The following SLC12A3 variants were observed in gnomAD, a reference collection of about 807,000 sequenced individuals.
The protein encoded by SLC12A3 is solute carrier family 12 member 3, also known as Na-Cl cotransporter.
Under a neutral mutation model 121.0 loss-of-function variants are expected in SLC12A3, and 104 were observed. The observed-to-expected ratio is 0.86, with a 90% confidence interval of 0.73 to 1.01. The LOEUF (loss-of-function observed/expected upper bound fraction) is 1.01. Ranked by LOEUF, SLC12A3 falls within the 50% of genes least tolerant of loss-of-function variation. The pLI is 0.00. For missense variants in SLC12A3, 1,328 were observed against 1,356.3 expected (o/e 0.98, Z 0.33); for synonymous variants, 536 against 533.4 (o/e 1.00, Z -0.07).
Position 56,878,126 on chromosome 16 carries a change from C to T in SLC12A3, c.1145C>T (p.Thr382Met), listed in dbSNP as rs187885782. The change falls in exon 9 of 26, where the codon ACG becomes ATG. Residue 382 changes from threonine (T) to methionine (M), a missense_variant. By Grantham distance (81) the Thr-to-Met change is moderately conservative (BLOSUM62 -1). Transcript: ENST00000563236. ...PKGTLMAIFWTTISYLAISAT... is the reference protein window; with the variant it reads ...PKGTLMAIFWMTISYLAISAT... ...GGGACCCTCATGGCCATTTTCTGGA[C>T]GACCATTTCCTACCTGGCCATCTCA... 2.4e-5 allele frequency: 39 copies of T among 1,607,670 alleles called. No homozygotes were observed. Among genetic ancestry groups the T allele is most frequent in the Admixed American group, 2.3e-4 (14 of 59,648 alleles).
chr16:56,887,086 T>A lies in SLC12A3; in HGVS notation c.2171T>A (p.Leu724His). 1 of 1,613,948 alleles carries A rather than the reference T, an allele frequency of 6.2e-7. No homozygotes were observed. Among genetic ancestry groups the A allele is most frequent in the Non-Finnish European group, 8.5e-7 (1 of 1,180,026 alleles). The part of the protein sequence containing the change: ...AEDLRRGVQI[L>H]MQAAGLGRMK... ...GACCTCCGCAGAGGCGTCCAGATCC[T>A]CATGCAGGTGCCATGGACTGGGGGC... Residue 724 changes from leucine to histidine, a missense_variant, in exon 17 of 26, where the codon CTC becomes CAC. Transcript: ENST00000563236.
intron 22 of SLC12A3, among the ~76,000 whole-genome samples, chr16:56,897,834 G>T (rs2055485678): frequency 6.6e-6 from 1 of 152,150 alleles, no homozygotes; most frequent in Non-Finnish European, 1.5e-5. Flanking sequence ...AGTCTATGCT[G>T]CCCTTGCCTA....
At position 56,910,984 on chromosome 16, in the gene SLC12A3, C is replaced by T. The variant is rs113851931; in HGVS notation, c.2925-2280C>T. Among the ~76,000 whole-genome samples the T allele has an allele frequency of 3.3e-3, 501 of 152,188 alleles. 6 individuals are homozygous for T. In the South Asian group the frequency reaches 0.037, roughly 11 times the overall value. ...GGTGATTTTCAAGACAGCTGTCTCT[C>T]GGACAGGTGGACAGGCTGTGTTGGG... On this transcript the variant is annotated intron_variant, in intron 25 of 25. Transcript: ENST00000563236.
chr16:56,869,577 C>T (rs371216642), intron 3 of SLC12A3, 152 bp from the exon 4 acceptor site: 33 of 699,008 alleles, frequency 4.7e-5, no homozygotes, highest in South Asian at 7.6e-5. Context: ...CTGCCCGCCT[C>T]GGCCTCCCAA....
intron 6 of SLC12A3, among the ~76,000 whole-genome samples, chr16:56,871,769 C>A (rs2055100389): frequency 6.6e-6 from 1 of 152,144 alleles, no homozygotes; most frequent in Non-Finnish European, 1.5e-5. Flanking sequence ...GTCACCTAGG[C>A]TGGGGTGCAG....
At chr16:56,893,513 G>C (rs1328773090) in intron 21 of SLC12A3, among the ~76,000 whole-genome samples, 1 of 152,202 alleles carries the variant, frequency 6.6e-6, no homozygotes, top group African/African-American at 2.4e-5. Flanking sequence ...AAAATAGGCT[G>C]AGCACTTACT....
chr16:56,893,522 C>T (rs940188891), intron 21 of SLC12A3, among the ~76,000 whole-genome samples: 3 of 152,214 alleles, frequency 2.0e-5, no homozygotes, highest in Admixed American at 1.3e-4. Context: ...TGAGCACTTA[C>T]TACCTGGCTG....
chr16:56,879,946 T>C (rs1193185433), intron 11 of SLC12A3, among the ~76,000 whole-genome samples, 184 bp from the exon 12 acceptor site: 3 of 152,078 alleles, frequency 2.0e-5, no homozygotes, highest in African/African-American at 7.2e-5. Flanking sequence ...GCTCTTTTAC[T>C]GTCTTTATGG....
chr16:56,884,238 T>TC (rs1567436160), intron 14 of SLC12A3, 34 bp downstream of exon 14: 1 of 1,611,404 alleles, frequency 6.2e-7, no homozygotes, highest in East Asian at 2.2e-5. Context: ...TCGGCCCTCC[T>TC]CCCCCAGGGT....
rs1421171275 is a variant in SLC12A3 at position 56,871,142 on chromosome 16, A to G, written c.852+406A>G. Among the ~76,000 whole-genome samples, 5 of 152,020 alleles carry G rather than the reference A, an allele frequency of 3.3e-5. No homozygotes were observed. The South Asian group carries it at 6.2e-4, about 19-fold the overall frequency. On this transcript the variant is annotated intron_variant, in intron 6 of 25. Transcript: ENST00000563236. The stretch of plus-strand genomic sequence containing the variant: ...GAGCCACTGTGCCCTGCTGCTTTGT[A>G]TCTCTTGTGTGACAACCTAGGTCCA...
chr16:56,892,036 C>A, intron 19 of SLC12A3, 47 bp from the exon 20 acceptor site: 1 of 1,448,920 alleles, frequency 6.9e-7, no homozygotes, highest in South Asian at 1.1e-5. Flanking sequence ...CCCACGGTGC[C>A]CTCAGACAAG....
chr16:56,886,663 C>A (rs935551926), intron 16 of SLC12A3, among the ~76,000 whole-genome samples, 188 bp downstream of exon 16: 2 of 152,092 alleles, frequency 1.3e-5, no homozygotes, highest in African/African-American at 2.4e-5. Flanking sequence ...CGAGGGGATG[C>A]GGAGCAAGGG....
rs1445403046 is a variant in SLC12A3 at position 56,901,650 on chromosome 16, ATC to A, written c.2721-719_2721-718del. Among the ~76,000 whole-genome samples the A allele has an allele frequency of 2.0e-5, 3 of 152,152 alleles. No individual in the cohort carries two copies. The East Asian group carries it at 5.8e-4, about 29-fold the overall frequency. Reference sequence around the variant, plus strand: ...CCACTGTGCCCGGCCCCAGCCCTAAATCTCTGTCTTTAATGATGTGAGTCACA... The same window carrying A: ...CCACTGTGCCCGGCCCCAGCCCTAAATCTGTCTTTAATGATGTGAGTCACA... On this transcript the variant is annotated intron_variant, in intron 23 of 25. Transcript: ENST00000563236.
intron 20 of SLC12A3, among the ~76,000 whole-genome samples, chr16:56,892,718 C>T (rs751119473): frequency 3.9e-5 from 6 of 152,314 alleles, no homozygotes; most frequent in African/African-American, 1.4e-4. Context: ...TCCCTACCTA[C>T]CCAGAGGGCT....
intron 24 of SLC12A3, chr16:56,904,119 G>T: frequency 2.5e-6 from 1 of 405,344 alleles, no homozygotes; most frequent in Admixed American, 3.5e-5. Flanking sequence ...AACCTAGTAA[G>T]GTGTTCTCTC....
In SLC12A3 at chr16:56,913,317, G is replaced by T. The variant is rs1272158837; in HGVS notation, c.2978G>T (p.Trp993Leu). The T allele has an allele frequency of 5.6e-6, 9 of 1,614,172 alleles. No individual in the cohort carries two copies. The highest frequency in any genetic ancestry group is 7.6e-6 in the Non-Finnish European group (9 of 1,180,018). Residue 993 changes from tryptophan (W) to leucine (L), a missense_variant, in exon 26 of 26, where the codon TGG becomes TTG. By Grantham distance (61) the Trp-to-Leu change is moderately conservative (BLOSUM62 -2). Transcript: ENST00000563236. ...GKCPSSLYMA[W>L]LETLSQDLRP... is the part of the protein sequence containing the mutation. ...TGCCCCAGCTCGCTGTACATGGCCT[G>T]GCTGGAGACCCTGTCCCAGGACCTC...
intron 24 of SLC12A3, among the ~76,000 whole-genome samples, chr16:56,903,148 CAAA>C (rs34955209): frequency 1.7e-5 from 2 of 119,134 alleles, no homozygotes; most frequent in Non-Finnish European, 3.7e-5. Context: ...GACTCCGTCT[CAAA>C]AAAAAAAAAA....
At chr16:56,875,365 C>T (rs142749264) in intron 8 of SLC12A3, among the ~76,000 whole-genome samples, 1 of 152,248 alleles carries the variant, frequency 6.6e-6, no homozygotes, top group Non-Finnish European at 1.5e-5. Flanking sequence ...ATTCCATGTG[C>T]TAATTCATGT....
At chr16:56,892,301 G>T in intron 20 of SLC12A3, 168 bp downstream of exon 20, 2 of 670,674 alleles carry the variant, frequency 3.0e-6, no homozygotes. Flanking sequence ...AACTGGAGGG[G>T]CTTGGCCGTG....
Sources: gnomAD v4.1 joint callset for allele counts (sites outside exome capture counted in the v4.1 genomes callset) on GRCh38, gnomAD v4.1.1 for gene constraint, MANE v1.5 for transcripts, NCBI Gene and HGNC (gene_info 2026-07-23, HGNC 2026-07-21) for gene names.